Variants in CDKAL1 observed in about 807,000 individuals in gnomAD.
CDKAL1 encodes the protein threonylcarbamoyladenosine tRNA methylthiotransferase.
A neutral mutation model predicts 68.2 loss-of-function variants in CDKAL1; 32 were observed. The ratio of observed to expected loss-of-function variants is 0.47; its 90% CI spans 0.35 to 0.63. The LOEUF is 0.63. CDKAL1 is among the 30% of genes least tolerant of loss of function. The pLI is 0.00. For synonymous variants in CDKAL1, 234 were observed against 244.3 expected (o/e 0.96, Z 0.39); for missense variants, 606 against 696.7 (o/e 0.87, Z 1.47).
intron 8 of CDKAL1, among the ~76,000 whole-genome samples, chr6:20,783,383 G>A (rs993249420): frequency 4.6e-5 from 7 of 152,156 alleles, no homozygotes; most frequent in African/African-American, 1.7e-4. Context: ...TTGGCCTACT[G>A]AGTGTCTGTT....
intron 7 of CDKAL1, among the ~76,000 whole-genome samples, chr6:20,779,659 A>G (rs1438337811): frequency 1.3e-5 from 2 of 152,214 alleles, no homozygotes; most frequent in Admixed American, 1.3e-4. Flanking sequence ...ATCTTGGCTC[A>G]CTGCAACCTC....
At chr6:20,817,126 A>T (rs12213956) in intron 8 of CDKAL1, among the ~76,000 whole-genome samples, 98,487 of 151,968 alleles carry the variant, frequency 0.65, 32,268 homozygotes, top group African/African-American at 0.69. Context: ...AAACAAAATC[A>T]TATTACTAGT....
intron 10 of CDKAL1, among the ~76,000 whole-genome samples, chr6:20,991,132 T>C (rs1252739224): frequency 6.6e-6 from 1 of 152,214 alleles, no homozygotes; most frequent in East Asian, 1.9e-4. Context: ...ATAAAAAACA[T>C]AATATCGTTA....
At chr6:20,718,058 T>G (rs527577901) in intron 5 of CDKAL1, among the ~76,000 whole-genome samples, 50 of 152,228 alleles carry the variant, frequency 3.3e-4, no homozygotes, top group Non-Finnish European at 6.5e-4. Context: ...ATGTTCTTTT[T>G]GTTCAGGTTT....
intron 8 of CDKAL1, among the ~76,000 whole-genome samples, chr6:20,827,645 T>C (rs1383857439): frequency 6.6e-6 from 1 of 152,070 alleles, no homozygotes. Context: ...GAAGACTAAG[T>C]TATGTGGTTC....
intron 12 of CDKAL1, among the ~76,000 whole-genome samples, chr6:21,069,708 G>C (rs1442879374): frequency 2.1e-5 from 3 of 143,252 alleles, no homozygotes; most frequent in African/African-American, 5.1e-5. Flanking sequence ...AGTTTGTATA[G>C]AAGTAAAGTA....
chr6:21,057,706 G>T (rs1770911658), intron 11 of CDKAL1, among the ~76,000 whole-genome samples: 1 of 151,974 alleles, frequency 6.6e-6, no homozygotes, highest in African/African-American at 2.4e-5. Flanking sequence ...ATTCTGGCAT[G>T]CTGTCTCTTT....
rs551019193 is a variant in CDKAL1 at position 20,951,857 on chromosome 6, T to G, written c.743-3562T>G. ...CTCCTACTTTCCTACCCCACCACTT[T>G]CTTTTTTTGCATGTATTTATTTTTA... On this transcript the variant is annotated intron_variant, in intron 9 of 15. Transcript: ENST00000274695. Among the ~76,000 whole-genome samples the G allele has an allele frequency of 8.5e-5, 13 of 152,294 alleles. No individual in the cohort carries two copies. The South Asian group carries it at 2.5e-3, about 29-fold the overall frequency.
intron 9 of CDKAL1, among the ~76,000 whole-genome samples, chr6:20,859,306 G>T (rs561632698): frequency 2.0e-5 from 3 of 151,266 alleles, no homozygotes; most frequent in Non-Finnish European, 4.4e-5. Flanking sequence ...AAAAAAAAAA[G>T]AAAAAAAATG....
At chr6:21,058,612 G>A (rs1770967250) in intron 11 of CDKAL1, among the ~76,000 whole-genome samples, 1 of 152,200 alleles carries the variant, frequency 6.6e-6, no homozygotes, top group Admixed American at 6.5e-5. Context: ...TAGTGTCATT[G>A]GTTTTTGTAC....
intron 11 of CDKAL1, among the ~76,000 whole-genome samples, chr6:21,025,556 T>TG (rs1205653999): frequency 1.3e-5 from 2 of 152,128 alleles, no homozygotes; most frequent in African/African-American, 2.4e-5. Context: ...TGGGGTTGTT[T>TG]GTTTGGGGGT....
chr6:20,622,007 T>A (rs902972063), intron 4 of CDKAL1, among the ~76,000 whole-genome samples: 2 of 152,252 alleles, frequency 1.3e-5, no homozygotes, highest in East Asian at 3.9e-4. Context: ...TTAGATATAA[T>A]ACATATATAA....
intron 5 of CDKAL1, among the ~76,000 whole-genome samples, chr6:20,729,511 A>G (rs1285263338): frequency 1.3e-5 from 2 of 152,218 alleles, no homozygotes; most frequent in East Asian, 1.9e-4. Context: ...GTAACCATAT[A>G]TTGTGGACAC....
At chr6:21,230,746 C>A in intron 15 of CDKAL1, 102 bp from the exon 16 acceptor site, 2 of 890,944 alleles carry the variant, frequency 2.2e-6, no homozygotes, top group Non-Finnish European at 3.3e-6. Flanking sequence ...TGAAGGAGTA[C>A]ATAAAAGGCG....
intron 11 of CDKAL1, among the ~76,000 whole-genome samples, chr6:21,011,992 T>C (rs1338848671): frequency 1.3e-5 from 2 of 152,204 alleles, no homozygotes; most frequent in African/African-American, 4.8e-5. Context: ...CAGAGCCAGA[T>C]GGTGGAACTC....
chr6:20,893,447 G>A (rs1028746690), intron 9 of CDKAL1, among the ~76,000 whole-genome samples: 4 of 152,194 alleles, frequency 2.6e-5, no homozygotes, highest in African/African-American at 9.7e-5. Flanking sequence ...GGATATATGT[G>A]TAGAGATATA....
At chr6:20,907,715 T>C (rs553127220) in intron 9 of CDKAL1, among the ~76,000 whole-genome samples, 1 of 151,464 alleles carries the variant, frequency 6.6e-6, no homozygotes, top group South Asian at 2.1e-4. Flanking sequence ...CAATGGGGAG[T>C]TGGGGCATCA....
chr6:20,577,261 A>C (rs1007235190), intron 4 of CDKAL1, among the ~76,000 whole-genome samples: 29 of 152,344 alleles, frequency 1.9e-4, no homozygotes, highest in Middle Eastern at 3.4e-3. Context: ...GAGAATAAGG[A>C]CCAGTTATAT....
At chr6:20,593,900 G>T (rs979697022) in intron 4 of CDKAL1, among the ~76,000 whole-genome samples, 1 of 152,310 alleles carries the variant, frequency 6.6e-6, no homozygotes, top group South Asian at 2.1e-4. Context: ...TGGTTTCAAA[G>T]AACTTATTCA....
Sources: gnomAD v4.1 joint callset for allele counts (sites outside exome capture counted in the v4.1 genomes callset) on GRCh38, gnomAD v4.1.1 for gene constraint, MANE v1.5 for transcripts, NCBI Gene and HGNC (gene_info 2026-07-23, HGNC 2026-07-21) for gene names.